The following SGCD variants were observed in gnomAD, a reference collection of about 807,000 sequenced individuals.
SGCD encodes the protein sarcoglycan delta, also known as delta-sarcoglycan.
A neutral mutation model predicts 36.6 loss-of-function variants in SGCD; 18 were observed. The ratio of observed to expected loss-of-function variants is 0.49; its 90% CI spans 0.34 to 0.73. The LOEUF (loss-of-function observed/expected upper bound fraction) is 0.73, where lower values mean the gene tolerates loss of function less well. SGCD is among the 30% of genes least tolerant of loss of function. The pLI is 0.01. For synonymous variants in SGCD, 133 were observed against 130.6 expected (o/e 1.02, Z -0.12); for missense variants, 387 against 346.7 (o/e 1.12, Z -0.92).
At chr5:156,069,924 C>G (rs1429389132) in intron 1 of SGCD, among the ~76,000 whole-genome samples, 1 of 152,002 alleles carries the variant, frequency 6.6e-6, no homozygotes, top group South Asian at 2.1e-4. Context: ...TGATTTGGCT[C>G]TCTGTTTGTC....
At chr5:156,376,287 G>C (rs1010472942) in intron 3 of SGCD, among the ~76,000 whole-genome samples, 5 of 152,162 alleles carry the variant, frequency 3.3e-5, no homozygotes, top group African/African-American at 1.2e-4. Flanking sequence ...AGAATTGTAG[G>C]GGAAATTTGT....
intron 3 of SGCD, among the ~76,000 whole-genome samples, chr5:156,346,778 CTTTATTTT>C (rs1768968341): frequency 1.3e-5 from 2 of 150,704 alleles, no homozygotes; most frequent in Admixed American, 6.6e-5. Flanking sequence ...TTGGGCTTTA[CTTTATTTT>C]TTTATTTTTT....
At chr5:156,403,843 C>CTT (rs35092486) in intron 3 of SGCD, among the ~76,000 whole-genome samples, 30 of 149,610 alleles carry the variant, frequency 2.0e-4, no homozygotes, top group East Asian at 4.0e-4. Flanking sequence ...ATTTTTTTTT[C>CTT]TTTTTTTTTG....
chr5:156,148,553 TA>T (rs1202386877), intron 3 of SGCD, among the ~76,000 whole-genome samples: 1 of 152,338 alleles, frequency 6.6e-6, no homozygotes, highest in East Asian at 1.9e-4. Flanking sequence ...TCTTTTTATT[TA>T]TTTTTTTAAT....
chr5:156,453,136 T>G (rs563219916), intron 3 of SGCD, among the ~76,000 whole-genome samples: 12 of 152,256 alleles, frequency 7.9e-5, no homozygotes, highest in Admixed American at 2.6e-4. Flanking sequence ...GAAACTGTGA[T>G]GTATGAAGGA....
chr5:155,842,875 G>A, the SGCD span, among the ~76,000 whole-genome samples: 1 of 152,108 alleles, frequency 6.6e-6, no homozygotes, highest in East Asian at 1.9e-4. Context: ...TAATATCAGG[G>A]CATCATCTCT....
chr5:156,622,453 T>G (rs1452723116), intron 6 of SGCD, among the ~76,000 whole-genome samples: 2 of 141,594 alleles, frequency 1.4e-5, no homozygotes, highest in East Asian at 2.0e-4. Flanking sequence ...ATAATAATAA[T>G]AATAATAATA....
chr5:156,493,326 T>G (rs935423554), intron 3 of SGCD, among the ~76,000 whole-genome samples: 21 of 152,308 alleles, frequency 1.4e-4, no homozygotes, highest in Admixed American at 9.8e-4. Context: ...TCATGTACAA[T>G]GCATCTCTTG....
intron 7 of SGCD, among the ~76,000 whole-genome samples, chr5:156,734,830 A>G (rs1756265862): frequency 6.6e-6 from 1 of 152,136 alleles, no homozygotes; most frequent in South Asian, 2.1e-4. Context: ...AGCTCAGTCA[A>G]CTTTGTTCTG....
intron 1 of SGCD, among the ~76,000 whole-genome samples, chr5:156,050,172 T>G (rs184841635): frequency 6.8e-6 from 1 of 146,704 alleles, no homozygotes; most frequent in East Asian, 1.9e-4. Context: ...GAGAAATCTT[T>G]CACGAAAAGA....
chr5:156,221,519 A>G (rs1307688191), intron 3 of SGCD, among the ~76,000 whole-genome samples: 1 of 152,056 alleles, frequency 6.6e-6, no homozygotes, highest in African/African-American at 2.4e-5. Context: ...TATGGAGAAT[A>G]GCACCTACCT....
chr5:156,021,683 T>C (rs570415858), intron 1 of SGCD, among the ~76,000 whole-genome samples: 5 of 151,824 alleles, frequency 3.3e-5, no homozygotes, highest in Admixed American at 2.6e-4. Flanking sequence ...CTGTGGTGGG[T>C]TGGAGGTAGC....
At chr5:156,115,680 G>A (rs1761891091) in intron 1 of SGCD, among the ~76,000 whole-genome samples, 1 of 151,928 alleles carries the variant, frequency 6.6e-6, no homozygotes, top group South Asian at 2.1e-4. Context: ...CATTAAAATA[G>A]ACTTTCTTGT....
At chr5:156,111,061 A>G (rs1361134786) in intron 1 of SGCD, among the ~76,000 whole-genome samples, 1 of 152,226 alleles carries the variant, frequency 6.6e-6, no homozygotes, top group Non-Finnish European at 1.5e-5. Flanking sequence ...AACAAGCTCT[A>G]AAACATCCAT....
chr5:155,843,919 C>G, the SGCD span, among the ~76,000 whole-genome samples: 60 of 152,320 alleles, frequency 3.9e-4, no homozygotes, highest in Admixed American at 1.0e-3. Flanking sequence ...ATCTTTCACT[C>G]TTTCCCCAGA....
intron 6 of SGCD, among the ~76,000 whole-genome samples, chr5:156,638,019 T>C (rs1475099601): frequency 6.6e-6 from 1 of 152,198 alleles, no homozygotes; most frequent in East Asian, 1.9e-4. Flanking sequence ...CCTCAATTAA[T>C]GTTTCAATTT....
chr5:155,905,136 C>T (rs1756475004), intron 1 of SGCD, among the ~76,000 whole-genome samples: 1 of 152,158 alleles, frequency 6.6e-6, no homozygotes, highest in African/African-American at 2.4e-5. Context: ...AAGTCCCAGG[C>T]AAGATGTCTC....
At chr5:156,647,163 G>T (rs1005309816) in intron 6 of SGCD, among the ~76,000 whole-genome samples, 1 of 152,168 alleles carries the variant, frequency 6.6e-6, no homozygotes, top group African/African-American at 2.4e-5. Context: ...TGAGAGACAA[G>T]AGTCAGACCT....
intron 3 of SGCD, among the ~76,000 whole-genome samples, chr5:156,184,575 T>A (rs996265169): frequency 1.3e-5 from 2 of 152,208 alleles, no homozygotes; most frequent in Non-Finnish European, 2.9e-5. Flanking sequence ...TTTATGAGAC[T>A]TCTTAAAACA....
Sources: gnomAD v4.1 joint callset for allele counts (sites outside exome capture counted in the v4.1 genomes callset) on GRCh38, gnomAD v4.1.1 for gene constraint, MANE v1.5 for transcripts, NCBI Gene and HGNC (gene_info 2026-07-23, HGNC 2026-07-21) for gene names.